SLC35A1: variants seen among roughly 807,000 people sequenced by gnomAD.
The protein encoded by SLC35A1 is CMP-sialic acid transporter.
SLC35A1 carries 21 observed loss-of-function variants against 40.3 expected under a neutral mutation model. The observed-to-expected ratio is 0.52, with a 90% confidence interval of 0.37 to 0.75. SLC35A1 has a LOEUF of 0.75. Ranked by LOEUF, SLC35A1 falls within the 30% of genes least tolerant of loss-of-function variation. SLC35A1 has a pLI of 0.00. For missense variants in SLC35A1, 297 were observed against 382.1 expected (o/e 0.78, Z 1.86); for synonymous variants, 146 against 147.3 (o/e 0.99, Z 0.06).
intron 1 of SLC35A1, among the ~76,000 whole-genome samples, chr6:87,473,562 C>T (rs1037868196): frequency 1.3e-5 from 2 of 152,220 alleles, no homozygotes; most frequent in African/African-American, 4.8e-5. Context: ...AGGAAGATAA[C>T]AGTCGTTAAC....
At chr6:87,481,508 G>A (rs1769243568) in intron 2 of SLC35A1, among the ~76,000 whole-genome samples, 1 of 151,868 alleles carries the variant, frequency 6.6e-6, no homozygotes, top group Admixed American at 6.6e-5. Flanking sequence ...GAAACTTCCT[G>A]AGAAACCTAT....
chr6:87,508,803 A>G (rs757736138), intron 6 of SLC35A1: 27 of 705,514 alleles, frequency 3.8e-5, no homozygotes, highest in Non-Finnish European at 5.8e-5. Flanking sequence ...ATCTAACATT[A>G]GCAAAAAATG....
intron 4 of SLC35A1, among the ~76,000 whole-genome samples, chr6:87,505,668 C>T (rs1770057302): frequency 6.6e-6 from 1 of 152,134 alleles, no homozygotes; most frequent in African/African-American, 2.4e-5. Flanking sequence ...AAGGCAGAAG[C>T]GATCCCATGT....
rs183278131 is a variant in SLC35A1 at position 87,498,628 on chromosome 6, G to A, written c.195-1880G>A. On this transcript the variant is annotated intron_variant, in intron 2 of 7. Transcript: ENST00000369552. ...TCTACCAAAAATACAAAAATAAGCCGGGCGTAGTGGCCTGTGCATGTAGTC... is the reference window on the plus strand; with the variant it reads ...TCTACCAAAAATACAAAAATAAGCCAGGCGTAGTGGCCTGTGCATGTAGTC... Among the ~76,000 whole-genome samples the A allele has an allele frequency of 2.3e-4, 35 of 152,078 alleles. No homozygotes were observed. The South Asian group carries it at 4.8e-3, about 21-fold the overall frequency.
intron 2 of SLC35A1, among the ~76,000 whole-genome samples, chr6:87,480,370 AGGTAACAACCT>A (rs1382727491): frequency 6.6e-6 from 1 of 152,246 alleles, no homozygotes; most frequent in Non-Finnish European, 1.5e-5. Flanking sequence ...CCCAGTGGAA[AGGTAACAACCT>A]GGGCCTCTAG....
intron 2 of SLC35A1, among the ~76,000 whole-genome samples, chr6:87,483,081 G>A (rs1050104496): frequency 2.0e-5 from 3 of 152,134 alleles, no homozygotes; most frequent in Non-Finnish European, 2.9e-5. Flanking sequence ...TCACGGAGAA[G>A]ACCTTCAATT....
chr6:87,499,012 T>C (rs907704613), intron 2 of SLC35A1: 1 of 395,408 alleles, frequency 2.5e-6, no homozygotes, highest in Non-Finnish European at 3.4e-6. Context: ...GCATATAGAC[T>C]TAACACTGTG....
intron 2 of SLC35A1, among the ~76,000 whole-genome samples, chr6:87,498,046 C>T (rs1769796474): frequency 1.3e-5 from 2 of 151,910 alleles, no homozygotes; most frequent in African/African-American, 4.8e-5. Flanking sequence ...ATATATTTAA[C>T]AGGTGGAGGT....
chr6:87,474,546 A>C (rs1432361194), intron 1 of SLC35A1, among the ~76,000 whole-genome samples: 1 of 152,156 alleles, frequency 6.6e-6, no homozygotes, highest in Admixed American at 6.5e-5. Context: ...GATTTGAATT[A>C]TTTGCCCAAT....
At chr6:87,486,530 G>T (rs1302480173) in intron 2 of SLC35A1, among the ~76,000 whole-genome samples, 1 of 152,052 alleles carries the variant, frequency 6.6e-6, no homozygotes, top group African/African-American at 2.4e-5. Flanking sequence ...GTGTAGTTCT[G>T]CCCTCATGGA....
intron 2 of SLC35A1, among the ~76,000 whole-genome samples, chr6:87,479,074 G>T (rs1769171374): frequency 6.6e-6 from 1 of 152,190 alleles, no homozygotes; most frequent in Non-Finnish European, 1.5e-5. Flanking sequence ...GGTGGAGAGG[G>T]TAATCAGAAA....
Position 87,477,487 on chromosome 6 carries a change from G to T in SLC35A1, c.142G>T (p.Val48Leu). 1 of 1,614,052 alleles carries T rather than the reference G, an allele frequency of 6.2e-7. No individual in the cohort carries two copies. Residue 48 changes from valine to leucine, a missense_variant, in exon 2 of 8, where the codon GTG (valine) becomes TTG (leucine). Transcript: ENST00000369552. ...DKELYFSTTA[V>L]CITEVIKLLL... ...AGAACTCTACTTTTCAACCACAGCCGTGTGTATCACAGAAGTTATAAAGTT... is the reference window on the plus strand; with the variant it reads ...AGAACTCTACTTTTCAACCACAGCCTTGTGTATCACAGAAGTTATAAAGTT...
Position 87,508,592 on chromosome 6 carries a change from C to G in SLC35A1, c.747C>G (p.Val249=). The change falls in exon 6 of 8, where the codon GTC becomes GTG. Residue 249 remains valine, a synonymous_variant. Coordinates refer to ENST00000369552, the MANE Select transcript of SLC35A1 (RefSeq NM_006416.5). ...FYGYTYYVWF[V]IFLASVGGLY... ...GTTACACATATTATGTCTGGTTTGT[C>G]ATCTGTAAGTATCCAGGAATTAAAG... is the stretch of plus-strand genomic sequence containing the variant. The G allele has an allele frequency of 6.2e-7, 1 of 1,610,842 alleles. No homozygotes were observed.
At chr6:87,490,251 T>G (rs1162106673) in intron 2 of SLC35A1, among the ~76,000 whole-genome samples, 1 of 151,998 alleles carries the variant, frequency 6.6e-6, no homozygotes, top group Non-Finnish European at 1.5e-5. Flanking sequence ...TAAATGCAAT[T>G]TACTTGAAAA....
intron 7 of SLC35A1, 63 bp downstream of exon 7, chr6:87,509,238 A>C: frequency 1.2e-6 from 2 of 1,600,150 alleles, no homozygotes; most frequent in Non-Finnish European, 1.7e-6. Context: ...TGATTCATTT[A>C]ATCCCTTATT....
chr6:87,501,159 T>C lies in SLC35A1; in HGVS notation c.356T>C (p.Val119Ala). The C allele has an allele frequency of 6.2e-7, 1 of 1,611,834 alleles. No homozygotes were observed. Among genetic ancestry groups the C allele is most frequent in the South Asian group, 1.1e-5 (1 of 91,028 alleles). Residue 119 changes from valine (V) to alanine (A), a missense_variant and splice_region_variant, in exon 4 of 8, where the codon GTG becomes GCG. Val to Ala is a moderately conservative substitution (Grantham distance 64). Transcript: ENST00000369552. ...ATTAATTCATTCTCTTTTTTTTAGG[T>C]GACCTACCAGTTGAAGATTCCGTGT... ...LSNLDAAVYQVTYQLKIPCTA... is the reference protein window; with the variant it reads ...LSNLDAAVYQATYQLKIPCTA...
chr6:87,478,487 G>A (rs1769142342), intron 2 of SLC35A1, among the ~76,000 whole-genome samples: 5 of 152,188 alleles, frequency 3.3e-5, no homozygotes, highest in Admixed American at 3.3e-4. Context: ...TGAGTGAAGG[G>A]AAGCAGGGAG....
chr6:87,485,015 C>G (rs112119351), intron 2 of SLC35A1, among the ~76,000 whole-genome samples: 147 of 152,258 alleles, frequency 9.7e-4, no homozygotes, highest in Non-Finnish European at 1.6e-3. Context: ...TCCAGGTACT[C>G]TGAGTGTTGT....
intron 2 of SLC35A1, among the ~76,000 whole-genome samples, chr6:87,479,127 A>G (rs1769172749): frequency 6.6e-6 from 1 of 152,256 alleles, no homozygotes; most frequent in Admixed American, 6.5e-5. Flanking sequence ...TAGAAGGCAA[A>G]GAATTGAACA....
Sources: allele counts gnomAD v4.1 joint callset (sites outside exome capture counted in the v4.1 genomes callset), GRCh38; gene constraint gnomAD v4.1.1; transcripts MANE v1.5; gene names NCBI Gene and HGNC (gene_info 2026-07-23, HGNC 2026-07-21).